The following CNTN3 variants were observed in gnomAD, a reference collection of about 807,000 sequenced individuals.
CNTN3 encodes the protein contactin-3.
In CNTN3, 60 loss-of-function variants were observed where a neutral mutation model predicts 119.1. The ratio of observed to expected loss-of-function variants is 0.50; its 90% CI spans 0.41 to 0.62. The LOEUF (loss-of-function observed/expected upper bound fraction) is 0.62. CNTN3 is among the 20% of genes least tolerant of loss of function. CNTN3 has a pLI of 0.00. For missense variants in CNTN3, 1,101 were observed against 1,242.4 expected, an observed-to-expected ratio of 0.89 and a Z score of 1.71; for synonymous variants, 450 against 438.7, an observed-to-expected ratio of 1.03 and a Z score of -0.32.
chr3:74,383,404 T>C (rs1048547048), intron 5 of CNTN3, among the ~76,000 whole-genome samples: 4 of 152,212 alleles, frequency 2.6e-5, no homozygotes, highest in African/African-American at 9.6e-5. Context: ...GGCATCCTGA[T>C]GTACCACATG....
intron 20 of CNTN3, among the ~76,000 whole-genome samples, chr3:74,273,974 C>T (rs1701831820): frequency 6.6e-6 from 1 of 152,096 alleles, no homozygotes; most frequent in Admixed American, 6.5e-5. Flanking sequence ...AGTGGGGGCA[C>T]AGTGGGAGTG....
At chr3:74,545,210 A>G (rs1341301609) in intron 1 of CNTN3, among the ~76,000 whole-genome samples, 2 of 152,220 alleles carry the variant, frequency 1.3e-5, no homozygotes, top group African/African-American at 4.8e-5. Context: ...CCAAACTAAA[A>G]TTAGGATGTC....
At chr3:74,555,076 AGATACGTTCAATC>A (rs1704049034) in intron 1 of CNTN3, among the ~76,000 whole-genome samples, 1 of 152,166 alleles carries the variant, frequency 6.6e-6, no homozygotes, top group African/African-American at 2.4e-5. Context: ...TATTATATTG[AGATACGTTCAATC>A]GATACCTAGT....
chr3:74,330,135 C>A (rs781426791), intron 13 of CNTN3, among the ~76,000 whole-genome samples: 2 of 152,270 alleles, frequency 1.3e-5, no homozygotes, highest in Non-Finnish European at 2.9e-5. Flanking sequence ...ACGGGCAGAT[C>A]ACCTGAGGTC....
chr3:74,581,508 TTGAG>T (rs1489063133), intron 1 of CNTN3, among the ~76,000 whole-genome samples: 2 of 152,240 alleles, frequency 1.3e-5, no homozygotes, highest in Non-Finnish European at 2.9e-5. Flanking sequence ...GCTATGTTCA[TTGAG>T]TGAAAGGTTC....
chr3:74,313,230 A>C (rs1350022161), intron 13 of CNTN3, among the ~76,000 whole-genome samples: 2 of 152,170 alleles, frequency 1.3e-5, no homozygotes, highest in African/African-American at 4.8e-5. Flanking sequence ...CAGAAAGAGA[A>C]GAAAGGGAGA....
chr3:74,416,791 C>G (rs1048323091), intron 5 of CNTN3, among the ~76,000 whole-genome samples: 1 of 152,060 alleles, frequency 6.6e-6, no homozygotes, highest in African/African-American at 2.4e-5. Flanking sequence ...AGATCGAGAA[C>G]AGGCTGGTCA....
At chr3:74,326,122 T>TC (rs1050659076) in intron 13 of CNTN3, among the ~76,000 whole-genome samples, 27 of 152,126 alleles carry the variant, frequency 1.8e-4, no homozygotes, top group African/African-American at 6.5e-4. Context: ...CATGTTTCTT[T>TC]CCCCCTCTCT....
chr3:74,309,489 C>T (rs1481148449), intron 13 of CNTN3, among the ~76,000 whole-genome samples: 1 of 152,076 alleles, frequency 6.6e-6, no homozygotes, highest in East Asian at 1.9e-4. Flanking sequence ...CTGTGCTATC[C>T]AGTTTGCTAA....
chr3:74,599,152 G>T (rs1704864438), intron 1 of CNTN3, among the ~76,000 whole-genome samples: 1 of 151,976 alleles, frequency 6.6e-6, no homozygotes, highest in South Asian at 2.1e-4. Context: ...GATCATGAGT[G>T]GTTTGTAGGT....
chr3:74,537,560 G>A (rs962532648), intron 1 of CNTN3, among the ~76,000 whole-genome samples: 2 of 152,096 alleles, frequency 1.3e-5, no homozygotes, highest in Non-Finnish European at 2.9e-5. Context: ...TCTTTGCCTC[G>A]GTTGTTGTTT....
intron 11 of CNTN3, among the ~76,000 whole-genome samples, chr3:74,348,186 A>AAC (rs147357438): frequency 2.8e-4 from 42 of 151,470 alleles, no homozygotes; most frequent in African/African-American, 8.2e-4. Context: ...AAGTGTTCTC[A>AAC]ACACACACAC....
chr3:74,290,428 T>C (rs1426565276), intron 19 of CNTN3, among the ~76,000 whole-genome samples: 2 of 152,226 alleles, frequency 1.3e-5, no homozygotes, highest in Non-Finnish European at 2.9e-5. Flanking sequence ...AATATCATTA[T>C]GTAGTGCATG....
At chr3:74,587,714 T>G (rs1246282941) in intron 1 of CNTN3, among the ~76,000 whole-genome samples, 2 of 152,188 alleles carry the variant, frequency 1.3e-5, no homozygotes. Flanking sequence ...TGGGGTTTTC[T>G]AGATATAGAA....
intron 5 of CNTN3, among the ~76,000 whole-genome samples, chr3:74,399,257 A>T (rs191997047): frequency 5.9e-5 from 9 of 151,958 alleles, no homozygotes; most frequent in African/African-American, 2.2e-4. Flanking sequence ...TAAGCCTAGT[A>T]CCCATTAGTT....
At chr3:74,477,703 T>A (rs1702684676) in intron 4 of CNTN3, among the ~76,000 whole-genome samples, 1 of 152,014 alleles carries the variant, frequency 6.6e-6, no homozygotes, top group African/African-American at 2.4e-5. Flanking sequence ...AATTGGATGG[T>A]TTATAACACG....
intron 4 of CNTN3, among the ~76,000 whole-genome samples, chr3:74,457,363 A>C (rs1044235578): frequency 6.6e-6 from 1 of 152,066 alleles, no homozygotes; most frequent in African/African-American, 2.4e-5. Context: ...CTGATTTACA[A>C]GTAACTGGTC....
rs76044763 is a variant in CNTN3, at chr3:74,575,166, C to A, written c.-81+39225G>T. On this transcript the variant is annotated intron_variant, in intron 1 of 22. Transcript: ENST00000263665. ...TCTTGAACTCCTGGGCTCAAGCAAT[C>A]CTCTCACCTCAGTCTCCCAAAGTAC... Among the ~76,000 whole-genome samples, 58 of 152,056 alleles carry A rather than the reference C, an allele frequency of 3.8e-4. No individual in the cohort carries two copies. The East Asian group carries it at 8.6e-3, about 22-fold the overall frequency.
intron 1 of CNTN3, among the ~76,000 whole-genome samples, chr3:74,530,803 G>A (rs1703682490): frequency 6.6e-6 from 1 of 151,906 alleles, no homozygotes; most frequent in Non-Finnish European, 1.5e-5. Context: ...AGAAGGAAGT[G>A]GCTAGCTGGG....
Sources: allele counts gnomAD v4.1 joint callset (sites outside exome capture counted in the v4.1 genomes callset), GRCh38; gene constraint gnomAD v4.1.1; transcripts MANE v1.5; gene names NCBI Gene and HGNC (gene_info 2026-07-23, HGNC 2026-07-21).